The following SLC2A9 variants were observed in gnomAD, a reference collection of about 807,000 sequenced individuals.
SLC2A9 encodes solute carrier family 2, facilitated glucose transporter member 9.
SLC2A9 carries 39 observed loss-of-function variants against 50.6 expected under a neutral mutation model. That is an observed-to-expected ratio of 0.77 (90% CI 0.60 to 1.01). SLC2A9 has a LOEUF of 1.01. Ranked by LOEUF, SLC2A9 falls within the 50% of genes least tolerant of loss-of-function variation. The pLI is 0.00. For synonymous variants in SLC2A9, 324 were observed against 276.9 expected, an observed-to-expected ratio of 1.17 and a Z score of -1.69; for missense variants, 686 against 677.6, an observed-to-expected ratio of 1.01 and a Z score of -0.14.
At chr4:9,828,246 G>A (rs1426366641) in intron 11 of SLC2A9, among the ~76,000 whole-genome samples, 1 of 152,210 alleles carries the variant, frequency 6.6e-6, no homozygotes, top group Non-Finnish European at 1.5e-5. Context: ...TTCCAAATCT[G>A]AGGGTTTGTC....
At chr4:9,788,871 G>C (rs1277075883) in intron 3 of SLC2A9, among the ~76,000 whole-genome samples, 2 of 152,156 alleles carry the variant, frequency 1.3e-5, no homozygotes, top group Non-Finnish European at 2.9e-5. Flanking sequence ...CCAAGCCTTG[G>C]AATCAGCCAT....
At chr4:9,921,301 T>G (rs1157458700) in intron 6 of SLC2A9, among the ~76,000 whole-genome samples, 1 of 145,244 alleles carries the variant, frequency 6.9e-6, no homozygotes, top group Non-Finnish European at 1.5e-5. Context: ...GAACCCATCA[T>G]TTTTTTTTTA....
intron 10 of SLC2A9, among the ~76,000 whole-genome samples, chr4:9,882,156 G>A (rs1162883895): frequency 6.6e-6 from 1 of 152,178 alleles, no homozygotes; most frequent in Non-Finnish European, 1.5e-5. Context: ...AGAAACAAAA[G>A]ACAAAAGTAT....
At chr4:10,038,842 C>A (rs1483617755) in intron 1 of SLC2A9, among the ~76,000 whole-genome samples, 1 of 152,298 alleles carries the variant, frequency 6.6e-6, no homozygotes, top group East Asian at 1.9e-4. Context: ...CCCTCAGTCA[C>A]TGTCAAACAC....
chr4:9,922,110 A>G (rs2110095314), intron 6 of SLC2A9, among the ~76,000 whole-genome samples: 1 of 152,318 alleles, frequency 6.6e-6, no homozygotes, highest in East Asian at 1.9e-4. Flanking sequence ...ATAGTATTCC[A>G]TGGTGTATAT....
At chr4:10,015,049 G>T (rs1374248222) in intron 2 of SLC2A9, among the ~76,000 whole-genome samples, 1 of 152,212 alleles carries the variant, frequency 6.6e-6, no homozygotes, top group Non-Finnish European at 1.5e-5. Context: ...CCCCGAGGGA[G>T]GGAGGGGTTG....
intron 5 of SLC2A9, among the ~76,000 whole-genome samples, chr4:9,948,901 C>T (rs1749694503): frequency 6.6e-6 from 1 of 152,232 alleles, no homozygotes; most frequent in Non-Finnish European, 1.5e-5. Context: ...TCCAAATCTT[C>T]ATGTCCATCC....
chr4:9,834,784 G>A, intron 11 of SLC2A9, 97 bp downstream of exon 11: 1 of 1,561,482 alleles, frequency 6.4e-7, no homozygotes, highest in Non-Finnish European at 8.8e-7. Flanking sequence ...GTTTCCAGTT[G>A]AGAGGAGAGA....
chr4:9,970,293 C>T (rs1178590245), intron 5 of SLC2A9, among the ~76,000 whole-genome samples: 2 of 152,184 alleles, frequency 1.3e-5, no homozygotes, highest in African/African-American at 4.8e-5. Context: ...CTCTACTTCA[C>T]AGGGAGCCTT....
At chr4:9,985,944 G>T in intron 3 of SLC2A9, 151 bp from the exon 4 acceptor site, 1 of 1,105,132 alleles carries the variant, frequency 9.0e-7, no homozygotes, top group Admixed American at 2.0e-5. Context: ...GCCACCTCTG[G>T]CTGTGTGACT....
At chr4:9,959,216 CT>C (rs1265334169) in intron 5 of SLC2A9, among the ~76,000 whole-genome samples, 2 of 91,482 alleles carry the variant, frequency 2.2e-5, no homozygotes, top group African/African-American at 6.3e-5. Context: ...CCAATCTCTA[CT>C]AAAAAAAAAA....
At chr4:9,781,017 G>C (rs758420469) in intron 3 of SLC2A9, among the ~76,000 whole-genome samples, 38 of 152,112 alleles carry the variant, frequency 2.5e-4, no homozygotes, top group Non-Finnish European at 4.9e-4. Context: ...TGGGGGCGGT[G>C]GTGGGGAAAA....
At chr4:9,850,878 G>T (rs544456533) in intron 10 of SLC2A9, among the ~76,000 whole-genome samples, 1 of 152,166 alleles carries the variant, frequency 6.6e-6, no homozygotes, top group East Asian at 1.9e-4. Context: ...TGCTGCCACT[G>T]CCAGCATGAA....
intron 6 of SLC2A9, among the ~76,000 whole-genome samples, chr4:9,925,080 G>A (rs1744657379): frequency 6.6e-6 from 1 of 152,150 alleles, no homozygotes; most frequent in African/African-American, 2.4e-5. Flanking sequence ...GCATCTGGAG[G>A]CTCCCCCCAT....
intron 5 of SLC2A9, among the ~76,000 whole-genome samples, chr4:9,970,202 G>C (rs576752816): frequency 6.6e-6 from 1 of 152,290 alleles, no homozygotes; most frequent in East Asian, 1.9e-4. Flanking sequence ...GAGTGGTGGG[G>C]AATGTTGAGA....
intron 5 of SLC2A9, among the ~76,000 whole-genome samples, chr4:9,949,095 T>C (rs1180555480): frequency 6.6e-6 from 1 of 152,194 alleles, no homozygotes; most frequent in Non-Finnish European, 1.5e-5. Context: ...TAGCATTCCC[T>C]CCCGTGGATG....
At chr4:9,879,495 G>C in intron 10 of SLC2A9, 1 of 985,306 alleles carries the variant, frequency 1.0e-6, no homozygotes, top group South Asian at 4.7e-5. Flanking sequence ...GGCAGGGCAG[G>C]CAGAGACGAC....
chr4:9,816,936 G>C (rs952946512), intron 3 of SLC2A9, among the ~76,000 whole-genome samples: 1 of 152,110 alleles, frequency 6.6e-6, no homozygotes, highest in Admixed American at 6.5e-5. Context: ...TCATAGAGAC[G>C]CAACACCTTG....
chr4:9,880,762 C>A (rs532049273), intron 10 of SLC2A9, among the ~76,000 whole-genome samples: 1 of 152,348 alleles, frequency 6.6e-6, no homozygotes, highest in East Asian at 1.9e-4. Context: ...CACCATGAAA[C>A]ATACAGCTTT....
Sources: allele counts gnomAD v4.1 joint callset (sites outside exome capture counted in the v4.1 genomes callset), GRCh38; gene constraint gnomAD v4.1.1; transcripts MANE v1.5; gene names NCBI Gene and HGNC (gene_info 2026-07-23, HGNC 2026-07-21).